Variants in F9 observed in about 807,000 individuals in gnomAD.
The protein encoded by F9 is coagulation factor IX.
Under a neutral mutation model 34.1 loss-of-function variants are expected in F9, and 2 were observed. The observed-to-expected ratio is 0.06, with a 90% CI of 0.02 to 0.18. F9 has a LOEUF of 0.18. Among genes scored for constraint, F9 ranks in the 10% least tolerant of loss-of-function variants. The pLI, the probability that F9 is intolerant of heterozygous loss-of-function variation, is 1.00. For missense variants in F9, 216 were observed against 345.1 expected (o/e 0.63, Z 2.96); for synonymous variants, 137 against 118.8 (o/e 1.15, Z -1.00).
In F9 at chrX:139,546,731, G is replaced by A. The variant is rs755511633; in HGVS notation, c.392-1632G>A. On this transcript the variant is annotated intron_variant, in intron 4 of 7. Transcript: ENST00000218099. ...TTTATAATAGCATTAAAAATTAGAC[G>A]CTTAGTAATAAATGTGAGAAAGATG... Among the ~76,000 whole-genome samples, 6 of 111,366 alleles carry A rather than the reference G, an allele frequency of 5.4e-5. No individual in the cohort carries two copies. In the South Asian group the frequency reaches 1.5e-3, roughly 28 times the overall value.
intron 5 of F9, among the ~76,000 whole-genome samples, chrX:139,550,040 A>G (rs1013687578): frequency 9.0e-6 from 1 of 111,386 alleles, no homozygotes; most frequent in Non-Finnish European, 1.9e-5. Flanking sequence ...CAGATGGCAT[A>G]CTAGCTAAAC....
At position 139,552,029 on chromosome X, in the gene F9, A is replaced by T. The variant is rs765894721; in HGVS notation, c.723+765A>T. ...ACACGGCGAAACCCCACCTCTAATTAAAAAAAATACAAAAATTAGCTAGGT... is the reference window on the plus strand; with the variant it reads ...ACACGGCGAAACCCCACCTCTAATTTAAAAAAATACAAAAATTAGCTAGGT... On this transcript the variant is annotated intron_variant, in intron 6 of 7. Transcript: ENST00000218099. Among the ~76,000 whole-genome samples, 14 of 110,578 alleles carry T rather than the reference A, an allele frequency of 1.3e-4. No individual in the cohort carries two copies. In the East Asian group the frequency reaches 2.0e-3, roughly 16 times the overall value.
chrX:139,530,884 TG>T (rs775656214), intron 1 of F9, 32 bp downstream of exon 1: 1 of 1,074,219 alleles, frequency 9.3e-7, no homozygotes, highest in South Asian at 1.9e-5. Context: ...ACATTGAGTA[TG>T]CTTGCCTTTT....
At chrX:139,536,225 G>A (rs1239847135) in intron 1 of F9, among the ~76,000 whole-genome samples, 4 of 98,696 alleles carry the variant, frequency 4.1e-5, no homozygotes, top group East Asian at 3.1e-4. Flanking sequence ...ACATATATAT[G>A]TACACACATA....
At chrX:139,537,589 C>A (rs753147844) in intron 3 of F9, among the ~76,000 whole-genome samples, 5 of 111,324 alleles carry the variant, frequency 4.5e-5, no homozygotes, top group Non-Finnish European at 7.5e-5. Flanking sequence ...AAGTTTAATC[C>A]TCCCTAGGGC....
chrX:139,538,034 A>C (rs1383974171), intron 3 of F9, among the ~76,000 whole-genome samples: 1 of 111,438 alleles, frequency 9.0e-6, no homozygotes, highest in East Asian at 2.8e-4. Context: ...TTAATACTTC[A>C]ACCTGCCCCA....
rs757762439 is a variant in F9 at position 139,550,319 on chromosome X, A to C, written c.521-743A>C. Among the ~76,000 whole-genome samples, 20 of 112,015 alleles carry C rather than the reference A, an allele frequency of 1.8e-4. No individual in the cohort carries two copies. In the East Asian group the frequency reaches 5.3e-3, roughly 30 times the overall value. The stretch of plus-strand genomic sequence containing the variant: ...CTTTGTCGCAGCTGGTTGCTATAGA[A>C]ATGTCTGTTACAAGGAATGTGGCTT... On this transcript the variant is annotated intron_variant, in intron 5 of 7. Coordinates refer to ENST00000218099, the MANE Select transcript of F9 (RefSeq NM_000133.4).
Position 139,562,443 on chromosome X carries a change from C to T in F9, c.*372C>T. 1 of 236,639 alleles carries T rather than the reference C, an allele frequency of 4.2e-6. No individual in the cohort carries two copies. Among genetic ancestry groups the T allele is most frequent in the Non-Finnish European group, 7.7e-6 (1 of 130,341 alleles). The allele number at this position is 236,639 out of a possible 1,213,427, so 19.5% of individuals were successfully genotyped here. A position where few individuals can be genotyped will look rare whatever the true frequency, so the allele number is the denominator to read the frequency against. ...ATCTTCTTTGCTTCTCCAACCAAAA[C>T]ATCAATGTTTATTAGTTCTGTATAC... On this transcript the variant is annotated 3_prime_UTR_variant, in exon 8 of 8. Coordinates refer to ENST00000218099, the MANE Select transcript of F9 (RefSeq NM_000133.4).
At chrX:139,542,514 T>C (rs1354268056) in intron 4 of F9, among the ~76,000 whole-genome samples, 3 of 111,765 alleles carry the variant, frequency 2.7e-5, no homozygotes, top group African/African-American at 9.7e-5. Flanking sequence ...GATCTTGCTA[T>C]TATGGAAACC....
At chrX:139,546,997 G>A (rs3134810) in intron 4 of F9, among the ~76,000 whole-genome samples, 5,218 of 111,269 alleles carry the variant, frequency 0.047, 294 homozygotes, top group African/African-American at 0.16. Context: ...AAGAGCCAAG[G>A]ATAGCCAAGA....
chrX:139,542,663 C>A (rs957507333), intron 4 of F9, among the ~76,000 whole-genome samples: 3 of 111,752 alleles, frequency 2.7e-5, no homozygotes, highest in African/African-American at 9.7e-5. Context: ...ACATAAATAT[C>A]TTTACCTAGT....
At position 139,537,187 on chromosome X, in the gene F9, C is replaced by T. The variant is rs756055116; in HGVS notation, c.252+14C>T. 5.8e-6 allele frequency: 7 copies of T among 1,205,235 alleles called. No individual in the cohort carries two copies. The South Asian group carries it at 1.1e-4, about 18-fold the overall frequency. On this transcript the variant is annotated intron_variant, in intron 2 of 7. Transcript: ENST00000218099. ...ACTGAAAGAACAGTGAGTATTTCCA[C>T]ATAATACCCTTCAGATGCAGAGCAT...
chrX:139,532,614 G>C (rs4149661), intron 1 of F9, among the ~76,000 whole-genome samples: 12 of 111,372 alleles, frequency 1.1e-4, no homozygotes, highest in African/African-American at 3.9e-4. Flanking sequence ...TCAATATAAT[G>C]TGATAAAATG....
chrX:139,552,586 G>A (rs1323846632), intron 6 of F9, among the ~76,000 whole-genome samples: 3 of 111,957 alleles, frequency 2.7e-5, no homozygotes, highest in Non-Finnish European at 5.6e-5. Context: ...CTACAATTAA[G>A]AGAAATTAAA....
intron 4 of F9, chrX:139,547,757 G>A (rs1267438315): frequency 8.9e-6 from 1 of 112,399 alleles, no homozygotes; most frequent in Admixed American, 9.4e-5. Flanking sequence ...CAATGTAAAT[G>A]AACTACTGCT....
At position 139,561,631 on chromosome X, in the gene F9, A is replaced by G; in HGVS notation, c.946A>G (p.Ile316Val). The G allele has an allele frequency of 1.7e-6, 2 of 1,211,643 alleles. No homozygotes were observed. The highest frequency in any genetic ancestry group is 2.2e-6 in the Non-Finnish European group (2 of 895,208). Residue 316 changes from isoleucine (I) to valine (V), a missense_variant, in exon 8 of 8, where the codon ATT becomes GTT. Ile to Val is a conservative substitution (Grantham distance 29). Around this residue, in one of 2 missense-constraint regions of F9, gnomAD observed 177 missense variants for 311.8 expected, o/e 0.57. Coordinates refer to ENST00000218099, the MANE Select transcript of F9 (RefSeq NM_000133.4). ...NAAINKYNHDIALLELDEPLV... is the reference protein window; with the variant it reads ...NAAINKYNHDVALLELDEPLV... Reference sequence around the variant, plus strand: ...AGCTATTAATAAGTACAACCATGACATTGCCCTTCTGGAACTGGACGAACC... The same window carrying G: ...AGCTATTAATAAGTACAACCATGACGTTGCCCTTCTGGAACTGGACGAACC...
At chrX:139,561,498 C>G in intron 7 of F9, 26 bp from the exon 8 acceptor site, 17 of 1,181,593 alleles carry the variant, frequency 1.4e-5, no homozygotes, top group Non-Finnish European at 1.8e-5. Context: ...CTGTTTGTGA[C>G]TTAAAATGAA....
At position 139,551,283 on chromosome X, in the gene F9, G is replaced by A. The variant is rs764028284; in HGVS notation, c.723+19G>A. On this transcript the variant is annotated intron_variant, in intron 6 of 7. Coordinates refer to ENST00000218099, the MANE Select transcript of F9 (RefSeq NM_000133.4). ...TTGGCAGGTACTTTATACTGATGGT[G>A]TGTCAAAACTGGAGCTCAGCTGGCA... The A allele has an allele frequency of 2.5e-6, 3 of 1,183,194 alleles. No individual in the cohort carries two copies. In the Admixed American group the frequency reaches 6.5e-5, roughly 26 times the overall value.
intron 1 of F9, among the ~76,000 whole-genome samples, chrX:139,533,824 C>CA (rs1927397148): frequency 9.0e-6 from 1 of 110,687 alleles, no homozygotes; most frequent in African/African-American, 3.3e-5. Flanking sequence ...ACTCTTGTCC[C>CA]AGCCCTAGCA....
Sources: allele counts gnomAD v4.1 joint callset (sites outside exome capture counted in the v4.1 genomes callset), GRCh38; gene constraint gnomAD v4.1.1; regional missense constraint gnomAD v4.1.1; transcripts MANE v1.5; gene names NCBI Gene and HGNC (gene_info 2026-07-23, HGNC 2026-07-21).